ARHGAP32: variants seen among roughly 807,000 people sequenced by gnomAD.
ARHGAP32 encodes the protein rho GTPase-activating protein 32.
In ARHGAP32, 51 loss-of-function variants were observed where a neutral mutation model predicts 186.5. The observed-to-expected ratio is 0.27, with a 90% CI of 0.22 to 0.35. The LOEUF (loss-of-function observed/expected upper bound fraction) is 0.35. ARHGAP32 is among the 10% of genes least tolerant of loss of function. The probability of loss-of-function intolerance (pLI) is 1.00; values close to 1 mark genes in which losing one functional copy is unlikely to be tolerated. For missense variants in ARHGAP32, 2,186 were observed against 2,623.5 expected (o/e 0.83, Z 3.64); for synonymous variants, 950 against 964.3 (o/e 0.99, Z 0.27).
chr11:129,271,205 G>T (rs938073467), intron 1 of ARHGAP32, among the ~76,000 whole-genome samples: 1 of 152,194 alleles, frequency 6.6e-6, no homozygotes, highest in African/African-American at 2.4e-5. Flanking sequence ...GACAAGGACA[G>T]GAGTAGAAGC....
At chr11:129,275,660 A>T (rs1565487421) in intron 1 of ARHGAP32, among the ~76,000 whole-genome samples, 1 of 152,218 alleles carries the variant, frequency 6.6e-6, no homozygotes, top group Non-Finnish European at 1.5e-5. Context: ...CTATGAAAGT[A>T]CTCCACTCTG....
At position 129,026,801 on chromosome 11, in the gene ARHGAP32, G is replaced by GGA. The variant is rs150866819; in HGVS notation, c.1045+14126_1045+14127insTC. On this transcript the variant is annotated intron_variant, in intron 11 of 22. Transcript: ENST00000682385. ...GGCAACAGAGTGAGACTCCATCTTG[G>GGA]AAAAAAAAAAAAAAAAGGCCAGGTG... is the stretch of plus-strand genomic sequence containing the variant. Among the ~76,000 whole-genome samples the GGA allele has an allele frequency of 5.5e-5, 6 of 109,356 alleles. No homozygotes were observed. In the East Asian group the frequency reaches 8.1e-4, roughly 15 times the overall value. The allele number at this position is 109,356 out of a possible 152,430, so 71.7% of individuals were successfully genotyped here. A position where few individuals can be genotyped will look rare whatever the true frequency, so the allele number is the denominator to read the frequency against.
At chr11:129,262,795 C>T (rs1224336099) in intron 1 of ARHGAP32, among the ~76,000 whole-genome samples, 1 of 151,602 alleles carries the variant, frequency 6.6e-6, no homozygotes, top group Non-Finnish European at 1.5e-5. Context: ...AAAAAAAAAC[C>T]TCACAACCCT....
chr11:129,086,558 A>T (rs952216727), intron 6 of ARHGAP32, among the ~76,000 whole-genome samples: 78 of 152,332 alleles, frequency 5.1e-4, no homozygotes, highest in African/African-American at 1.8e-3. Context: ...ATGGTGGCTC[A>T]CGCCTGTAAT....
intron 6 of ARHGAP32, among the ~76,000 whole-genome samples, chr11:129,073,118 C>T (rs151231116): frequency 3.2e-3 from 484 of 152,218 alleles, no homozygotes; most frequent in Non-Finnish European, 4.8e-3. Flanking sequence ...TGGAATGCTT[C>T]CCCCTACACA....
chr11:129,092,470 T>A (rs557514549), intron 6 of ARHGAP32, among the ~76,000 whole-genome samples: 1 of 152,070 alleles, frequency 6.6e-6, no homozygotes, highest in African/African-American at 2.4e-5. Context: ...CACTTAAAAA[T>A]TAACTCACCA....
intron 11 of ARHGAP32, among the ~76,000 whole-genome samples, chr11:129,013,339 A>C (rs1938181133): frequency 6.6e-6 from 1 of 152,180 alleles, no homozygotes; most frequent in Non-Finnish European, 1.5e-5. Flanking sequence ...CTTCACATCT[A>C]AACTGGGTGT....
intron 16 of ARHGAP32, 106 bp downstream of exon 16, chr11:128,981,723 G>T (rs1945711691): frequency 8.7e-7 from 1 of 1,147,572 alleles, no homozygotes; most frequent in East Asian, 2.5e-5. Context: ...CAAATAAAAA[G>T]AACAGATTTG....
At chr11:129,009,537 T>G (rs7105028) in intron 11 of ARHGAP32, among the ~76,000 whole-genome samples, 47,580 of 152,060 alleles carry the variant, frequency 0.31, 8,196 homozygotes, top group Admixed American at 0.45. Context: ...CCCCCATGCA[T>G]CCATGTGTTC....
intron 12 of ARHGAP32, among the ~76,000 whole-genome samples, chr11:128,995,655 A>G (rs1445686585): frequency 3.9e-5 from 6 of 152,220 alleles, no homozygotes; most frequent in African/African-American, 1.4e-4. Context: ...CCTGGCCAAC[A>G]TGGCAAAATC....
chr11:129,101,310 T>C (rs548817058), intron 5 of ARHGAP32, among the ~76,000 whole-genome samples: 6 of 152,318 alleles, frequency 3.9e-5, no homozygotes, highest in Admixed American at 2.0e-4. Flanking sequence ...CAGAGTGCCT[T>C]CTATTCTCCA....
chr11:129,153,019 GATAA>G (rs1230045506), intron 2 of ARHGAP32, among the ~76,000 whole-genome samples: 2 of 152,082 alleles, frequency 1.3e-5, no homozygotes, highest in African/African-American at 2.4e-5. Context: ...TCCCAGATCT[GATAA>G]ATAGATTCAG....
intron 1 of ARHGAP32, among the ~76,000 whole-genome samples, chr11:129,251,496 G>A (rs1348241413): frequency 6.6e-6 from 1 of 152,104 alleles, no homozygotes; most frequent in African/African-American, 2.4e-5. Flanking sequence ...ATGTTTAAGT[G>A]CAACTAAATT....
At chr11:129,278,791 T>C (rs1945568987) in intron 1 of ARHGAP32, among the ~76,000 whole-genome samples, 1 of 150,986 alleles carries the variant, frequency 6.6e-6, no homozygotes, top group Non-Finnish European at 1.5e-5. Flanking sequence ...CCGGTGTCCC[T>C]GGAGCCCCCA....
At chr11:129,087,685 A>G (rs1481603058) in intron 6 of ARHGAP32, among the ~76,000 whole-genome samples, 3 of 152,194 alleles carry the variant, frequency 2.0e-5, no homozygotes, top group Non-Finnish European at 4.4e-5. Context: ...CATTTTTCTA[A>G]ACCTATAGAA....
intron 1 of ARHGAP32, chr11:129,203,019 C>G (rs1287752906): frequency 6.6e-6 from 1 of 152,218 alleles, no homozygotes; most frequent in Non-Finnish European, 1.5e-5. Flanking sequence ...GAGATTAGCA[C>G]CGCCCCTGCG....
intron 11 of ARHGAP32, chr11:129,024,286 C>T (rs1938736218): frequency 2.6e-6 from 1 of 381,454 alleles, no homozygotes; most frequent in African/African-American, 2.2e-5. Flanking sequence ...CAGGTGAGCA[C>T]TTCCTGCTCA....
At chr11:129,148,443 G>A (rs1943217307) in intron 2 of ARHGAP32, among the ~76,000 whole-genome samples, 1 of 152,170 alleles carries the variant, frequency 6.6e-6, no homozygotes, top group South Asian at 2.1e-4. Context: ...GCAGTGAGAG[G>A]AAGTGACTTG....
In ARHGAP32 at chr11:128,969,866, C is replaced by A; in HGVS notation, c.5347G>T (p.Val1783Phe). ...SRARQKVKGP[V>F]MSQYDNMTPA... The stretch of plus-strand genomic sequence containing the variant: ...GTCATGTTATCATATTGGGACATGA[C>A]AGGCCCTTTCACCTTCTGCCGAGCA... Residue 1783 changes from valine (V) to phenylalanine (F), a missense_variant, in exon 23 of 23, where the codon GTC becomes TTC. This residue lies in a region of ARHGAP32 where 1,502 missense variants were observed against 1,570.0 expected (regional missense o/e 0.96). Coordinates refer to ENST00000682385, the MANE Select transcript of ARHGAP32 (RefSeq NM_001378024.1). The surrounding 1 kb of genome is among the most constrained non-coding windows in gnomAD (Gnocchi z 4.8). 6.2e-7 allele frequency: 1 copy of A among 1,614,214 alleles called. No individual in the cohort carries two copies. Among genetic ancestry groups the A allele is most frequent in the Non-Finnish European group, 8.5e-7 (1 of 1,180,050 alleles).
Sources: gnomAD v4.1 joint callset for allele counts (sites outside exome capture counted in the v4.1 genomes callset) on GRCh38, gnomAD v4.1.1 for gene constraint, gnomAD v4.1.1 regional missense constraint, Gnocchi (gnomAD v3.1) non-coding constraint, MANE v1.5 for transcripts, NCBI Gene and HGNC (gene_info 2026-07-23, HGNC 2026-07-21) for gene names.